Variants in WIF1 observed in about 807,000 individuals in gnomAD.
WIF1 encodes Wnt inhibitory factor 1.
In WIF1, 35 loss-of-function variants were observed where a neutral mutation model predicts 53.5. The ratio of observed to expected loss-of-function variants is 0.65; its 90% CI spans 0.50 to 0.87. WIF1 has a LOEUF of 0.87. WIF1 is among the 40% of genes least tolerant of loss of function. WIF1 has a pLI of 0.00. For synonymous variants in WIF1, 171 were observed against 170.4 expected, an observed-to-expected ratio of 1.00 and a Z score of -0.03; for missense variants, 467 against 476.8, an observed-to-expected ratio of 0.98 and a Z score of 0.19.
At chr12:65,098,235 T>C (rs980201763) in intron 2 of WIF1, among the ~76,000 whole-genome samples, 2 of 152,206 alleles carry the variant, frequency 1.3e-5, no homozygotes, top group African/African-American at 4.8e-5. Flanking sequence ...TTAAACACTT[T>C]TCAACTCTGT....
intron 2 of WIF1, among the ~76,000 whole-genome samples, chr12:65,081,358 A>G (rs752519783): frequency 2.0e-4 from 30 of 152,188 alleles, no homozygotes; most frequent in Non-Finnish European, 2.8e-4. Context: ...TTCAAAGAAT[A>G]TGGAACTGAA....
At chr12:65,120,735 G>T in intron 1 of WIF1, 179 bp from the exon 2 acceptor site, 1 of 854,902 alleles carries the variant, frequency 1.2e-6, no homozygotes, top group Non-Finnish European at 1.7e-6. Context: ...TGAGAATGAT[G>T]CCAACAGACC....
intron 2 of WIF1, among the ~76,000 whole-genome samples, chr12:65,082,022 A>G (rs1007107738): frequency 6.6e-6 from 1 of 152,162 alleles, no homozygotes; most frequent in East Asian, 1.9e-4. Flanking sequence ...CCACAAATAT[A>G]GTATTATGAA....
chr12:65,094,901 CTTA>C (rs1883179109), intron 2 of WIF1, among the ~76,000 whole-genome samples: 2 of 134,256 alleles, frequency 1.5e-5, no homozygotes, highest in Non-Finnish European at 3.1e-5. Context: ...TCCTCTTCTT[CTTA>C]TTTATTTATT....
At chr12:65,089,111 C>T (rs1883085532) in intron 2 of WIF1, among the ~76,000 whole-genome samples, 1 of 152,086 alleles carries the variant, frequency 6.6e-6, no homozygotes, top group Non-Finnish European at 1.5e-5. Context: ...CTCCTAATCT[C>T]TAGATTCATA....
intron 2 of WIF1, among the ~76,000 whole-genome samples, chr12:65,096,326 T>A (rs1592399813): frequency 3.9e-5 from 6 of 152,128 alleles, no homozygotes; most frequent in Admixed American, 3.9e-4. Flanking sequence ...TACCATCTCA[T>A]GCCAGTTAGA....
chr12:65,116,748 C>A (rs1883517151), intron 2 of WIF1, among the ~76,000 whole-genome samples: 1 of 151,614 alleles, frequency 6.6e-6, no homozygotes, highest in Non-Finnish European at 1.5e-5. Context: ...GCCTGGCCAA[C>A]ATGGTGAAAC....
chr12:65,107,801 G>A (rs1270169451), intron 2 of WIF1, among the ~76,000 whole-genome samples: 1 of 152,136 alleles, frequency 6.6e-6, no homozygotes, highest in Non-Finnish European at 1.5e-5. Flanking sequence ...CCACAAACAA[G>A]TTTCCTCAAG....
intron 2 of WIF1, among the ~76,000 whole-genome samples, chr12:65,083,456 C>T (rs1193324397): frequency 6.6e-6 from 1 of 152,156 alleles, no homozygotes; most frequent in Admixed American, 6.6e-5. Context: ...CTCTGTGACA[C>T]TCTTCTGATT....
At chr12:65,052,539 T>C (rs1279789747) in intron 9 of WIF1, among the ~76,000 whole-genome samples, 1 of 152,198 alleles carries the variant, frequency 6.6e-6, no homozygotes, top group African/African-American at 2.4e-5. Flanking sequence ...GTCATCCCAC[T>C]GGGAGTATGT....
At chr12:65,078,502 A>G (rs1475951863) in intron 2 of WIF1, among the ~76,000 whole-genome samples, 1 of 152,200 alleles carries the variant, frequency 6.6e-6, no homozygotes, top group African/African-American at 2.4e-5. Context: ...AGCTATTTTA[A>G]TCATTCTTTA....
At chr12:65,067,917 C>A (rs1592390101) in intron 4 of WIF1, 127 bp from the exon 5 acceptor site, 1 of 721,140 alleles carries the variant, frequency 1.4e-6, no homozygotes, top group East Asian at 2.9e-5. Context: ...TGATCAAATA[C>A]CAGTACTTCC....
chr12:65,097,313 A>G (rs1380709866), intron 2 of WIF1, among the ~76,000 whole-genome samples: 1 of 152,188 alleles, frequency 6.6e-6, no homozygotes, highest in African/African-American at 2.4e-5. Flanking sequence ...TCTTTGCTCA[A>G]AAGAGAGGAC....
At position 65,066,693 on chromosome 12, in the gene WIF1, A is replaced by T; in HGVS notation, c.678T>A (p.Thr226=). The change falls in exon 6 of 10, where the codon ACT becomes ACA. Residue 226 remains threonine, a synonymous_variant. Coordinates refer to ENST00000286574, the MANE Select transcript of WIF1 (RefSeq NM_007191.5). ...CAGGTGGGCAGATGCAGAAACCAGG[A>T]GTCACACAAAGTCCACCATTCATAC... ...PRCMNGGLCV[T]PGFCICPPGF... 1 of 1,610,928 alleles carries T rather than the reference A, an allele frequency of 6.2e-7. No individual in the cohort carries two copies. The highest frequency in any genetic ancestry group is 8.5e-7 in the Non-Finnish European group (1 of 1,178,270).
chr12:65,110,512 G>C (rs1194796077), intron 2 of WIF1, among the ~76,000 whole-genome samples: 4 of 152,142 alleles, frequency 2.6e-5, no homozygotes, highest in Non-Finnish European at 4.4e-5. Context: ...TGTGCTCCTA[G>C]AGCTCTGTGT....
At chr12:65,057,780 C>A (rs1286193279) in intron 7 of WIF1, among the ~76,000 whole-genome samples, 1 of 152,178 alleles carries the variant, frequency 6.6e-6, no homozygotes, top group African/African-American at 2.4e-5. Context: ...AAGAAGTCAA[C>A]CCCCATATAT....
intron 7 of WIF1, 152 bp downstream of exon 7, chr12:65,062,329 C>T: frequency 1.6e-6 from 1 of 630,620 alleles, no homozygotes; most frequent in Non-Finnish European, 2.6e-6. Context: ...TGCATGGTAG[C>T]TGAATCTAGC....
intron 2 of WIF1, among the ~76,000 whole-genome samples, chr12:65,099,083 C>T (rs757414280): frequency 2.6e-5 from 4 of 152,150 alleles, no homozygotes; most frequent in Non-Finnish European, 4.4e-5. Context: ...TTTATGGACT[C>T]GATATAGACT....
chr12:65,078,933 G>A (rs1882904671), intron 2 of WIF1, among the ~76,000 whole-genome samples: 1 of 152,194 alleles, frequency 6.6e-6, no homozygotes, highest in Non-Finnish European at 1.5e-5. Context: ...GGGAGGCTGA[G>A]GTGGGCGGAT....
Sources: gnomAD v4.1 joint callset for allele counts (sites outside exome capture counted in the v4.1 genomes callset) on GRCh38, gnomAD v4.1.1 for gene constraint, MANE v1.5 for transcripts, NCBI Gene and HGNC (gene_info 2026-07-23, HGNC 2026-07-21) for gene names.